Variants in DLEU7 observed in about 807,000 individuals in gnomAD.
The protein encoded by DLEU7 is leukemia-associated protein 7.
A neutral mutation model predicts 16.0 loss-of-function variants in DLEU7; 17 were observed. The ratio of observed to expected loss-of-function variants is 1.06; its 90% CI spans 0.73 to 1.59. The LOEUF (loss-of-function observed/expected upper bound fraction) is 1.59. Ranked by LOEUF, DLEU7 falls within the 40% of genes most tolerant of loss-of-function variation. The pLI, the probability that DLEU7 is intolerant of heterozygous loss-of-function variation, is 0.00. For missense variants in DLEU7, 308 were observed against 314.9 expected (o/e 0.98, Z 0.17); for synonymous variants, 113 against 139.8 (o/e 0.81, Z 1.35).
intron 1 of DLEU7, among the ~76,000 whole-genome samples, chr13:50,774,078 G>A (rs368789460): frequency 3.3e-5 from 5 of 152,146 alleles, no homozygotes; most frequent in East Asian, 1.9e-4. Flanking sequence ...CGAGCCAGGC[G>A]CGGGGTGTAA....
chr13:50,842,788 G>A (rs2137821004), intron 1 of DLEU7, among the ~76,000 whole-genome samples: 1 of 152,356 alleles, frequency 6.6e-6, no homozygotes, highest in African/African-American at 2.4e-5. Context: ...GACTTAGTAA[G>A]TGTATTTAAG....
At chr13:50,802,964 A>G (rs1039203419) in intron 1 of DLEU7, among the ~76,000 whole-genome samples, 1 of 152,134 alleles carries the variant, frequency 6.6e-6, no homozygotes, top group African/African-American at 2.4e-5. Flanking sequence ...TTTTTATCAC[A>G]CGGCACTTCA....
chr13:50,755,892 G>T (rs1874742900), intron 1 of DLEU7, among the ~76,000 whole-genome samples: 1 of 152,136 alleles, frequency 6.6e-6, no homozygotes, highest in Admixed American at 6.5e-5. Flanking sequence ...AGATTCTTTT[G>T]TCCCATGGGG....
intron 1 of DLEU7, among the ~76,000 whole-genome samples, chr13:50,807,472 A>G (rs905848690): frequency 6.6e-6 from 1 of 151,678 alleles, no homozygotes; most frequent in Non-Finnish European, 1.5e-5. Context: ...TTCCAAACAC[A>G]AATTTAATCT....
downstream of DLEU7, among the ~76,000 whole-genome samples, chr13:50,821,732 T>TA (rs35508524): frequency 0.51 from 76,602 of 150,276 alleles, 19,531 homozygotes; most frequent in Middle Eastern, 0.58. Context: ...TTGGGTAAGG[T>TA]AAAAAAAAAC....
chr13:50,780,441 G>T (rs1353874446), intron 1 of DLEU7, among the ~76,000 whole-genome samples: 1 of 152,162 alleles, frequency 6.6e-6, no homozygotes. Context: ...ATATCAGTTT[G>T]CAGACTTCTG....
At chr13:50,838,870 G>A (rs79461458) in intron 1 of DLEU7, among the ~76,000 whole-genome samples, 1,905 of 152,282 alleles carry the variant, frequency 0.013, 29 homozygotes, top group East Asian at 0.037. Flanking sequence ...CACGCACTGC[G>A]GACGGGCCAT....
At chr13:50,742,928 C>T (rs1321442506) in intron 1 of DLEU7, among the ~76,000 whole-genome samples, 2 of 152,128 alleles carry the variant, frequency 1.3e-5, no homozygotes, top group Admixed American at 1.3e-4. Flanking sequence ...GAGAAAGAGT[C>T]TAGCACTGAT....
chr13:50,753,038 A>G (rs924101792), intron 1 of DLEU7, among the ~76,000 whole-genome samples: 6 of 152,118 alleles, frequency 3.9e-5, no homozygotes, highest in African/African-American at 1.4e-4. Context: ...GAGTGTTGAC[A>G]CAAAGTTTCT....
At chr13:50,767,677 C>T (rs994295973) in intron 1 of DLEU7, among the ~76,000 whole-genome samples, 4 of 152,196 alleles carry the variant, frequency 2.6e-5, no homozygotes, top group African/African-American at 4.8e-5. Flanking sequence ...AAGGCATCAC[C>T]AAATAGGTGG....
In DLEU7 at chr13:50,713,225, T is replaced by A. The variant is rs745945052; in HGVS notation, c.475A>T (p.Asn159Tyr). The change falls in exon 2 of 2, where the codon AAT becomes TAT. Residue 159 changes from asparagine to tyrosine, a missense_variant. By Grantham distance (143) the Asn-to-Tyr change is moderately radical. Coordinates refer to the DLEU7 transcript ENST00000400393. ...TCCTACAGTGACCTTCTTCACTCATTAGCCAGGAGTTGAAGCTGAAAGAAA... is the reference window on the plus strand; with the variant it reads ...TCCTACAGTGACCTTCTTCACTCATAAGCCAGGAGTTGAAGCTGAAAGAAA... The A allele has an allele frequency of 1.4e-5, 23 of 1,611,284 alleles. No homozygotes were observed. In the Middle Eastern group the frequency reaches 1.2e-3, roughly 81 times the overall value.
At chr13:50,760,724 AT>A (rs1469320849) in intron 1 of DLEU7, among the ~76,000 whole-genome samples, 1 of 152,182 alleles carries the variant, frequency 6.6e-6, no homozygotes, top group Non-Finnish European at 1.5e-5. Flanking sequence ...AATCAAGCAA[AT>A]TTCTAAATGT....
At chr13:50,769,316 C>T (rs1875224194) in intron 1 of DLEU7, among the ~76,000 whole-genome samples, 1 of 152,134 alleles carries the variant, frequency 6.6e-6, no homozygotes, top group Non-Finnish European at 1.5e-5. Context: ...TCTATTTTAG[C>T]TTTTGTTGCC....
intron 1 of DLEU7, among the ~76,000 whole-genome samples, chr13:50,718,600 C>T (rs949524339): frequency 6.6e-6 from 1 of 152,136 alleles, no homozygotes; most frequent in African/African-American, 2.4e-5. Flanking sequence ...TGTTTGACAC[C>T]AAAAGTAGCT....
rs572584489 is a variant in DLEU7, at chr13:50,773,726, G to A, written c.460-60486C>T. 1.6e-4 allele frequency among the ~76,000 whole-genome samples: 24 copies of A among 152,280 alleles called. 1 individual carries two copies. In the South Asian group the frequency reaches 5.0e-3, roughly 32 times the overall value. ...GTTTCTCCCAGTTAGGCTACATGGG[G>A]GTCAGGGACCCACTTGAGGAGGCAG... is the stretch of plus-strand genomic sequence containing the variant. On this transcript the variant is annotated intron_variant, in intron 1 of 1. Transcript: ENST00000400393.
At chr13:50,767,468 A>G (rs1248413875) in intron 1 of DLEU7, among the ~76,000 whole-genome samples, 1 of 151,468 alleles carries the variant, frequency 6.6e-6, no homozygotes, top group East Asian at 1.9e-4. Flanking sequence ...AAAAAAAAAA[A>G]AAAAAAAAAA....
chr13:50,723,744 T>C (rs1332229944), intron 1 of DLEU7, among the ~76,000 whole-genome samples: 1 of 152,004 alleles, frequency 6.6e-6, no homozygotes, highest in African/African-American at 2.4e-5. Flanking sequence ...AAAGGCCCCA[T>C]CTCCAAATTC....
At chr13:50,800,887 A>G (rs769581035) in intron 1 of DLEU7, among the ~76,000 whole-genome samples, 13 of 152,088 alleles carry the variant, frequency 8.5e-5, no homozygotes, top group Non-Finnish European at 1.8e-4. Flanking sequence ...TTAGTTTTGC[A>G]GCATACAGTG....
At chr13:50,824,416 A>G (rs1335167579) in intron 1 of DLEU7, among the ~76,000 whole-genome samples, 2 of 152,318 alleles carry the variant, frequency 1.3e-5, no homozygotes, top group Non-Finnish European at 1.5e-5. Flanking sequence ...TAGTTTTCCT[A>G]AGGAATTCTC....
Sources: gnomAD v4.1 joint callset for allele counts (sites outside exome capture counted in the v4.1 genomes callset) on GRCh38, gnomAD v4.1.1 for gene constraint, MANE v1.5 for transcripts, NCBI Gene and HGNC (gene_info 2026-07-23, HGNC 2026-07-21) for gene names.